TMEFF2: variants seen among roughly 807,000 people sequenced by gnomAD.
TMEFF2 encodes tomoregulin-2.
TMEFF2 carries 28 observed loss-of-function variants against 53.8 expected under a neutral mutation model. The observed-to-expected ratio is 0.52, with a 90% CI of 0.39 to 0.71. The LOEUF (loss-of-function observed/expected upper bound fraction) is 0.71, where lower values mean the gene tolerates loss of function less well. Among genes scored for constraint, TMEFF2 ranks in the 30% least tolerant of loss-of-function variants. The probability of loss-of-function intolerance (pLI) is 0.00; values close to 1 mark genes in which losing one functional copy is unlikely to be tolerated. For missense variants in TMEFF2, 353 were observed against 455.2 expected (o/e 0.78, Z 2.04); for synonymous variants, 162 against 166.3 (o/e 0.97, Z 0.20).
intron 9 of TMEFF2, 87 bp from the exon 10 acceptor site, chr2:191,950,494 A>C: frequency 6.6e-7 from 1 of 1,521,168 alleles, no homozygotes; most frequent in Non-Finnish European, 9.1e-7. Flanking sequence ...ATGTGGATTA[A>C]GCAAATTATT....
At chr2:191,955,037 A>T (rs1692023159) in intron 8 of TMEFF2, among the ~76,000 whole-genome samples, 1 of 150,440 alleles carries the variant, frequency 6.6e-6, no homozygotes, top group African/African-American at 2.4e-5. Context: ...AGCAAGAGTA[A>T]CTTCTCAGTT....
At chr2:192,004,646 TTAAAAA>T (rs1686454970) in intron 5 of TMEFF2, among the ~76,000 whole-genome samples, 1 of 152,050 alleles carries the variant, frequency 6.6e-6, no homozygotes, top group Admixed American at 6.6e-5. Context: ...GTTTTGAAGA[TTAAAAA>T]AGAAAAAGAA....
At chr2:191,966,240 T>C (rs921716862) in intron 7 of TMEFF2, among the ~76,000 whole-genome samples, 2 of 152,180 alleles carry the variant, frequency 1.3e-5, no homozygotes, top group African/African-American at 4.8e-5. Context: ...AAAGAATATC[T>C]GCCAGAGGGG....
chr2:191,975,265 C>CTTCT (rs1553509213), intron 7 of TMEFF2, among the ~76,000 whole-genome samples: 4 of 88,366 alleles, frequency 4.5e-5, no homozygotes, highest in South Asian at 4.9e-4. Context: ...TCTTTTTCTT[C>CTTCT]TTTTTTTTTT....
rs1691793450 is a variant in TMEFF2 at position 191,949,292 on chromosome 2, T to A, written c.*1019A>T. On this transcript the variant is annotated 3_prime_UTR_variant, in exon 10 of 10. Coordinates refer to ENST00000272771, the MANE Select transcript of TMEFF2 (RefSeq NM_016192.4). ...TTTCTTTCTTACCTCACCACATAAA[T>A]ATGCTCAAAACATCTCTCTGTTTTC... 1 of 985,286 alleles carries A rather than the reference T, an allele frequency of 1.0e-6. No homozygotes were observed. Among genetic ancestry groups the A allele is most frequent in the Non-Finnish European group, 1.2e-6 (1 of 829,918 alleles). 61.0% of individuals were successfully genotyped at this position (985,286 alleles called of 1,614,324 possible).
intron 5 of TMEFF2, among the ~76,000 whole-genome samples, chr2:192,045,332 T>C (rs1196884908): frequency 6.6e-6 from 1 of 152,212 alleles, no homozygotes; most frequent in Non-Finnish European, 1.5e-5. Flanking sequence ...ATTCATGGAC[T>C]GTGGCCAATG....
chr2:192,127,783 G>T (rs1462230083), intron 4 of TMEFF2, among the ~76,000 whole-genome samples: 3 of 152,150 alleles, frequency 2.0e-5, no homozygotes, highest in Non-Finnish European at 4.4e-5. Context: ...ATATTACTTT[G>T]TGTGTTATTC....
chr2:192,057,836 A>C (rs932480268), intron 4 of TMEFF2, 61 bp from the exon 5 acceptor site: 1 of 1,322,128 alleles, frequency 7.6e-7, no homozygotes, highest in Non-Finnish European at 1.1e-6. Context: ...CTACAACTCC[A>C]GGACAATTCT....
intron 7 of TMEFF2, among the ~76,000 whole-genome samples, chr2:191,977,370 C>A (rs1466964828): frequency 6.6e-6 from 1 of 152,188 alleles, no homozygotes; most frequent in Non-Finnish European, 1.5e-5. Context: ...ATGGGCAGTC[C>A]CACTGCCAGG....
intron 7 of TMEFF2, among the ~76,000 whole-genome samples, chr2:191,966,047 G>GTT (rs1183937858): frequency 6.6e-5 from 10 of 151,662 alleles, no homozygotes; most frequent in Non-Finnish European, 1.5e-4. Flanking sequence ...AGCACAAGAT[G>GTT]ATGAATACAT....
At position 192,006,528 on chromosome 2, in the gene TMEFF2, T is replaced by G. The variant is rs139023597; in HGVS notation, c.537-7320A>C. On this transcript the variant is annotated intron_variant, in intron 5 of 9. Coordinates refer to ENST00000272771, the MANE Select transcript of TMEFF2 (RefSeq NM_016192.4). ...TTGGAACTTGGTATTAGACCTCTAT[T>G]TAATGAGGCTTATTTACTAGCTGGA... Among the ~76,000 whole-genome samples, 657 of 152,310 alleles carry G rather than the reference T, an allele frequency of 4.3e-3. 6 individuals carry two copies. Among genetic ancestry groups the G allele is most frequent in the African/African-American group, 0.015 (617 of 41,560 alleles).
chr2:192,171,810 TCA>T (rs1055598974), intron 4 of TMEFF2, among the ~76,000 whole-genome samples: 2 of 152,186 alleles, frequency 1.3e-5, no homozygotes, highest in Middle Eastern at 3.4e-3. Flanking sequence ...TCTTGCTGCA[TCA>T]CACTCATTAC....
chr2:192,043,256 C>T (rs1347213133), intron 5 of TMEFF2, among the ~76,000 whole-genome samples: 3 of 152,086 alleles, frequency 2.0e-5, no homozygotes, highest in Admixed American at 1.3e-4. Flanking sequence ...AAAAGTCTAG[C>T]CTACATCATA....
At chr2:191,993,820 T>C (rs1315389622) in intron 7 of TMEFF2, among the ~76,000 whole-genome samples, 1 of 152,118 alleles carries the variant, frequency 6.6e-6, no homozygotes, top group Non-Finnish European at 1.5e-5. Context: ...GGAGAGCCTC[T>C]TGGCGTATTT....
At chr2:192,098,060 T>C (rs1197144423) in intron 4 of TMEFF2, among the ~76,000 whole-genome samples, 2 of 152,332 alleles carry the variant, frequency 1.3e-5, no homozygotes, top group East Asian at 1.9e-4. Context: ...TCTATTTAAA[T>C]AGTACACATC....
chr2:192,078,233 T>A (rs1688477979), intron 4 of TMEFF2, among the ~76,000 whole-genome samples: 1 of 152,252 alleles, frequency 6.6e-6, no homozygotes. Context: ...GAGCCTTAGT[T>A]CCATCATCTG....
intron 4 of TMEFF2, among the ~76,000 whole-genome samples, chr2:192,069,236 A>C (rs908812328): frequency 6.6e-6 from 1 of 151,724 alleles, no homozygotes; most frequent in Non-Finnish European, 1.5e-5. Flanking sequence ...TTTCAAATCA[A>C]TAATTTATAG....
chr2:192,159,817 T>C (rs771909215), intron 4 of TMEFF2, among the ~76,000 whole-genome samples: 1 of 152,144 alleles, frequency 6.6e-6, no homozygotes, highest in African/African-American at 2.4e-5. Context: ...AGAACCTGAA[T>C]AGGGGCCTGA....
chr2:192,094,480 G>C (rs762434743), intron 4 of TMEFF2, among the ~76,000 whole-genome samples: 2 of 151,640 alleles, frequency 1.3e-5, no homozygotes, highest in Non-Finnish European at 2.9e-5. Flanking sequence ...GAGGCCAGAG[G>C]ACAAAATATT....
Sources: gnomAD v4.1 joint callset for allele counts (sites outside exome capture counted in the v4.1 genomes callset) on GRCh38, gnomAD v4.1.1 for gene constraint, MANE v1.5 for transcripts, NCBI Gene and HGNC (gene_info 2026-07-23, HGNC 2026-07-21) for gene names.